The following XPO1 variants were observed in gnomAD, a reference collection of about 807,000 sequenced individuals.
XPO1 encodes the protein exportin 1, also known as exportin-1.
A neutral mutation model predicts 133.3 loss-of-function variants in XPO1; 5 were observed. That is an observed-to-expected ratio of 0.04 (90% CI 0.02 to 0.08). The LOEUF is 0.08. Ranked by LOEUF, XPO1 falls within the 10% of genes least tolerant of loss-of-function variation. The pLI is 1.00. For missense variants in XPO1, 506 were observed against 1,267.5 expected (o/e 0.40, Z 9.12); for synonymous variants, 419 against 408.2 (o/e 1.03, Z -0.32).
chr2:61,504,027 A>T (rs1697675923), intron 4 of XPO1, among the ~76,000 whole-genome samples: 1 of 152,226 alleles, frequency 6.6e-6, no homozygotes, highest in Non-Finnish European at 1.5e-5. Context: ...CCTGGGCAAC[A>T]GAGCGAACTC....
intron 4 of XPO1, among the ~76,000 whole-genome samples, chr2:61,505,844 G>A (rs900519020): frequency 2.6e-5 from 4 of 152,076 alleles, no homozygotes; most frequent in Non-Finnish European, 4.4e-5. Flanking sequence ...ATGAGCCACC[G>A]CGCCTGGCTG....
intron 4 of XPO1, chr2:61,502,586 C>G (rs1697584566): frequency 3.8e-6 from 1 of 262,934 alleles, no homozygotes; most frequent in Admixed American, 5.1e-5. Flanking sequence ...AACCCTGTCT[C>G]TACTAAAAAT....
At chr2:61,529,728 A>G (rs1699071898) in intron 2 of XPO1, among the ~76,000 whole-genome samples, 1 of 152,124 alleles carries the variant, frequency 6.6e-6, no homozygotes, top group Non-Finnish European at 1.5e-5. Context: ...TATTTTAATC[A>G]TGACCTTTTC....
intron 4 of XPO1, among the ~76,000 whole-genome samples, chr2:61,511,932 A>C (rs1188208432): frequency 2.6e-5 from 4 of 151,688 alleles, no homozygotes; most frequent in Admixed American, 2.6e-4. Flanking sequence ...ATGCCCGGCT[A>C]ATTTTTTTTG....
Position 61,498,781 on chromosome 2 carries a change from T to G in XPO1, c.651A>C (p.Gln217His). 1.2e-6 allele frequency: 2 copies of G among 1,613,804 alleles called. No individual in the cohort carries two copies. Among genetic ancestry groups the G allele is most frequent in the Non-Finnish European group, 1.7e-6 (2 of 1,179,928 alleles). Residue 217 changes from glutamine (Q) to histidine (H), a missense_variant, in exon 9 of 25, where the codon CAA becomes CAC. Physicochemically the swap from Gln to His is conservative, Grantham distance 24 (BLOSUM62 0). Around this residue, in one of 6 missense-constraint regions of XPO1, gnomAD observed 134 missense variants for 261.6 expected, o/e 0.51. Coordinates refer to ENST00000401558, the MANE Select transcript of XPO1 (RefSeq NM_003400.4). ...QLCQFVMENSQNAPLVHATLE... is the reference protein window; with the variant it reads ...QLCQFVMENSHNAPLVHATLE... ...AGGTTGCATGTACAAGTGGAGCATT[T>G]TGAGAATTTTCCTATAACAAAACAC...
At chr2:61,516,693 C>T (rs1573194531) in intron 4 of XPO1, among the ~76,000 whole-genome samples, 1 of 151,582 alleles carries the variant, frequency 6.6e-6, no homozygotes, top group African/African-American at 2.4e-5. Context: ...GGATTACAGG[C>T]ATGAGCCACC....
intron 1 of XPO1, among the ~76,000 whole-genome samples, chr2:61,535,788 T>C (rs1699333544): frequency 6.6e-6 from 1 of 152,142 alleles, no homozygotes; most frequent in Admixed American, 6.6e-5. Flanking sequence ...GAATACTTGT[T>C]ACACACCACA....
chr2:61,519,531 T>C (rs1298512451), intron 4 of XPO1, among the ~76,000 whole-genome samples: 4 of 122,260 alleles, frequency 3.3e-5, no homozygotes, highest in African/African-American at 6.0e-5. Context: ...CCATCTCTAC[T>C]AAAAAAAAAA....
At chr2:61,526,988 G>C (rs763762880) in intron 2 of XPO1, among the ~76,000 whole-genome samples, 2 of 152,132 alleles carry the variant, frequency 1.3e-5, no homozygotes, top group East Asian at 3.9e-4. Flanking sequence ...GATTATAGGA[G>C]TGAGCCACCA....
rs1321519942 is a variant in XPO1, at chr2:61,483,464, CAT to C, written c.2678-375_2678-374del. Reference sequence around the variant, plus strand: ...CATAAAGTAGAGTTCATACTGCTCACATGACAGGTGCACCAAAATCTCAGAAA... The same window carrying C: ...CATAAAGTAGAGTTCATACTGCTCACGACAGGTGCACCAAAATCTCAGAAA... On this transcript the variant is annotated intron_variant, in intron 21 of 24. Transcript: ENST00000401558. 2.5e-5 allele frequency: 5 copies of C among 196,346 alleles called. No homozygotes were observed. In the East Asian group the frequency reaches 6.1e-4, roughly 24 times the overall value. The allele number at this position is 196,346 out of a possible 1,614,324, so 12.2% of individuals were successfully genotyped here.
At chr2:61,483,361 TGTG>T (rs1475311524) in intron 21 of XPO1, 19 of 332,762 alleles carry the variant, frequency 5.7e-5, no homozygotes, top group Non-Finnish European at 8.2e-5. Context: ...TTTGGGGACT[TGTG>T]GGGAAGGGCA....
At chr2:61,486,417 G>A (rs993388407) in intron 19 of XPO1, among the ~76,000 whole-genome samples, 2 of 151,866 alleles carry the variant, frequency 1.3e-5, no homozygotes, top group South Asian at 2.1e-4. Context: ...AGGATTCTAC[G>A]TATACTGTAT....
chr2:61,494,252 C>T (rs1174592456), intron 11 of XPO1, 161 bp from the exon 12 acceptor site: 1 of 628,308 alleles, frequency 1.6e-6, no homozygotes, highest in East Asian at 3.0e-5. Flanking sequence ...TGGAGTAACT[C>T]TGCTTCTTCT....
In XPO1 at chr2:61,521,069, T is replaced by A. The variant is rs115433088; in HGVS notation, c.301+1542A>T. On this transcript the variant is annotated intron_variant, in intron 4 of 24. Coordinates refer to ENST00000401558, the MANE Select transcript of XPO1 (RefSeq NM_003400.4). ...CGTGATCTAAAATAGTTTCAAACCA[T>A]AATAAAACATTTAAAGAAATGAGAA... 9.5e-3 allele frequency among the ~76,000 whole-genome samples: 1,453 copies of A among 152,312 alleles called. 20 individuals carry two copies. The highest frequency in any genetic ancestry group is 0.032 in the African/African-American group (1,338 of 41,564).
At chr2:61,533,610 T>G in intron 2 of XPO1, among the ~76,000 whole-genome samples, 162 bp downstream of exon 2, 1 of 152,196 alleles carries the variant, frequency 6.6e-6, no homozygotes, top group East Asian at 1.9e-4. Flanking sequence ...AAACATGCAA[T>G]TTCTTTCTCC....
chr2:61,486,056 GATC>G (rs1696675600), intron 19 of XPO1, 94 bp from the exon 20 acceptor site: 1 of 1,162,048 alleles, frequency 8.6e-7, no homozygotes, highest in Non-Finnish European at 1.2e-6. Flanking sequence ...GATGTAGCAT[GATC>G]ATCTACTGAA....
In XPO1 at chr2:61,538,017, CTCTCTCACGCGGCTCCG is replaced by C. The variant is rs1699431437; in HGVS notation, c.-479_-463del. 6.4e-6 allele frequency: 1 copy of C among 155,606 alleles called. No homozygotes were observed. Among genetic ancestry groups the C allele is most frequent in the Non-Finnish European group, 1.4e-5 (1 of 71,024 alleles). The allele number at this position is 155,606 out of a possible 1,614,324, so 9.6% of individuals were successfully genotyped here. On this transcript the variant is annotated 5_prime_UTR_variant, in exon 1 of 25. Transcript: ENST00000401558. ...CTCCCCCCTACCAAAACACGGCTCC[CTCTCTCACGCGGCTCCG>C]GCGCTGGCCCCCCCCCCCCCAAGGC...
At chr2:61,489,753 A>C (rs1696878019) in intron 17 of XPO1, among the ~76,000 whole-genome samples, 1 of 151,694 alleles carries the variant, frequency 6.6e-6, no homozygotes, top group Non-Finnish European at 1.5e-5. Flanking sequence ...ACAGGGTTTC[A>C]CTGCGTTAGC....
At position 61,538,075 on chromosome 2, in the gene XPO1, C is replaced by A; in HGVS notation, c.-520G>T. On this transcript the variant is annotated 5_prime_UTR_variant, in exon 1 of 25. Coordinates refer to ENST00000401558, the MANE Select transcript of XPO1 (RefSeq NM_003400.4). ...CCCCCAAGGCTCGCCTAAACTTTCC[C>A]CCCTTCTCTTGTTCCTCAGCGACTG... The A allele has an allele frequency of 7.0e-6, 1 of 142,060 alleles. No individual in the cohort carries two copies. The highest frequency in any genetic ancestry group is 2.4e-4 in the South Asian group (1 of 4,114). The allele number at this position is 142,060 out of a possible 1,614,324, so 8.8% of individuals were successfully genotyped here.
Sources: allele counts gnomAD v4.1 joint callset (sites outside exome capture counted in the v4.1 genomes callset), GRCh38; gene constraint gnomAD v4.1.1; regional missense constraint gnomAD v4.1.1; transcripts MANE v1.5; gene names NCBI Gene and HGNC (gene_info 2026-07-23, HGNC 2026-07-21).